GSE1: variants seen among roughly 807,000 people sequenced by gnomAD.
The protein encoded by GSE1 is Gse1 coiled-coil protein, also known as genetic suppressor element 1.
Under a neutral mutation model 112.6 loss-of-function variants are expected in GSE1, and 32 were observed. The observed-to-expected ratio is 0.28, with a 90% CI of 0.21 to 0.38. GSE1 has a LOEUF of 0.38. GSE1 is among the 10% of genes least tolerant of loss of function. The pLI is 1.00. For missense variants in GSE1, 2,348 were observed against 1,699.2 expected, an observed-to-expected ratio of 1.38 and a Z score of -6.71; for synonymous variants, 1,115 against 735.6, an observed-to-expected ratio of 1.52 and a Z score of -8.35.
chr16:85,338,540 G>A (rs531306045), intron 1 of GSE1, among the ~76,000 whole-genome samples: 2 of 152,362 alleles, frequency 1.3e-5, no homozygotes, highest in East Asian at 3.9e-4. Context: ...AGTAAGATTT[G>A]CAAAGTGCTT....
upstream of GSE1, among the ~76,000 whole-genome samples, chr16:85,554,412 G>A (rs2045093488): frequency 6.6e-6 from 1 of 152,118 alleles, no homozygotes; most frequent in Non-Finnish European, 1.5e-5. Flanking sequence ...TTACTATGGT[G>A]CAGCCGGGGC....
At chr16:85,183,257 ACT>A (rs1294960718) in intron 1 of GSE1, among the ~76,000 whole-genome samples, 1 of 151,894 alleles carries the variant, frequency 6.6e-6, no homozygotes, top group Non-Finnish European at 1.5e-5. Flanking sequence ...ATGCACACAC[ACT>A]CACATTCTTG....
chr16:85,379,523 C>T (rs2047499190), intron 2 of GSE1, among the ~76,000 whole-genome samples: 1 of 152,212 alleles, frequency 6.6e-6, no homozygotes, highest in African/African-American at 2.4e-5. Context: ...TGGTTCCTTC[C>T]TCACCCCGTG....
Position 85,661,344 on chromosome 16 carries a change from G to C in GSE1, c.1839G>C (p.Glu613Asp), listed in dbSNP as rs781651230. Residue 613 changes from glutamate (E) to aspartate (D), a missense_variant, in exon 9 of 16, where the codon GAG (glutamate) becomes GAC (aspartate). Coordinates refer to ENST00000253458, the MANE Select transcript of GSE1 (RefSeq NM_014615.5). ...TGCACAGCCACCCGGCTGCATTTGA[G>C]CCCAGCCGCCAGGCAGCCGTGCCGC... Reference protein sequence around the residue: ...HSLHSHPAAFEPSRQAAVPLV... With the variant: ...HSLHSHPAAFDPSRQAAVPLV... 6.2e-7 allele frequency: 1 copy of C among 1,612,088 alleles called. No homozygotes were observed. Among genetic ancestry groups the C allele is most frequent in the East Asian group, 2.2e-5 (1 of 44,858 alleles).
intron 7 of GSE1, 75 bp from the exon 8 acceptor site, chr16:85,657,202 G>A (rs2052035482): frequency 3.9e-6 from 4 of 1,027,518 alleles, no homozygotes; most frequent in Non-Finnish European, 4.2e-6. Flanking sequence ...CTGGGCAGTT[G>A]GGTGAGAGAG....
chr16:85,414,009 C>T (rs1400317598), intron 2 of GSE1, among the ~76,000 whole-genome samples: 3 of 152,218 alleles, frequency 2.0e-5, no homozygotes, highest in African/African-American at 7.2e-5. Context: ...TTGTAAGTTC[C>T]TGAGGCCTCC....
intron 3 of GSE1, among the ~76,000 whole-genome samples, chr16:85,653,149 A>G (rs541649314): frequency 3.1e-4 from 36 of 114,648 alleles, no homozygotes; most frequent in Admixed American, 7.1e-4. Flanking sequence ...CAGAGTCCAG[A>G]GCACAGCCCC....
intron 1 of GSE1, among the ~76,000 whole-genome samples, chr16:85,324,432 C>A (rs1233670046): frequency 6.6e-6 from 1 of 151,450 alleles, no homozygotes. Flanking sequence ...ATCACTTGAA[C>A]CTGGGAGGCA....
intron 2 of GSE1, among the ~76,000 whole-genome samples, chr16:85,536,630 G>A (rs916777035): frequency 1.3e-5 from 2 of 152,232 alleles, no homozygotes; most frequent in Non-Finnish European, 2.9e-5. Flanking sequence ...GAGGTACCGC[G>A]AGGCCACGGG....
chr16:85,647,110 C>CTCCTCCCCG (rs1478294939), intron 2 of GSE1, among the ~76,000 whole-genome samples: 1 of 152,192 alleles, frequency 6.6e-6, no homozygotes, highest in Non-Finnish European at 1.5e-5. Flanking sequence ...CCTGGGAACA[C>CTCCTCCCCG]TCCTCCCCGT....
chr16:85,511,031 C>G (rs527247366), intron 2 of GSE1, among the ~76,000 whole-genome samples: 9 of 152,352 alleles, frequency 5.9e-5, no homozygotes, highest in African/African-American at 2.2e-4. Flanking sequence ...CCGTAAAGCT[C>G]CATGAAGACA....
At position 85,642,756 on chromosome 16, in the gene GSE1, T is replaced by G. The variant is rs185679247; in HGVS notation, c.227-5796T>G. On this transcript the variant is annotated intron_variant, in intron 2 of 15. Transcript: ENST00000253458. ...GTTGCAGCGGGGCCGGGCCCTGGGG[T>G]GGGTCGGGGCCGTGCAGAACAGCGG... 7.1e-3 allele frequency among the ~76,000 whole-genome samples: 1,074 copies of G among 152,252 alleles called. 10 individuals are homozygous for G. Among genetic ancestry groups the G allele is most frequent in the African/African-American group, 0.024 (1,016 of 41,552 alleles).
At chr16:85,260,904 G>A (rs1404096335) in intron 1 of GSE1, among the ~76,000 whole-genome samples, 1 of 152,254 alleles carries the variant, frequency 6.6e-6, no homozygotes, top group East Asian at 1.9e-4. Flanking sequence ...CCAGATGGGG[G>A]CTAAGGACAT....
chr16:85,412,499 GCC>G (rs1238237816), intron 2 of GSE1, among the ~76,000 whole-genome samples: 7 of 46,372 alleles, frequency 1.5e-4, no homozygotes, highest in Middle Eastern at 0.015. Context: ...TACACTCAGG[GCC>G]CCCCTGGATA....
At chr16:85,325,274 C>T (rs898654679) in intron 1 of GSE1, among the ~76,000 whole-genome samples, 1 of 152,054 alleles carries the variant, frequency 6.6e-6, no homozygotes, top group African/African-American at 2.4e-5. Context: ...CAGTCTAGAT[C>T]TCAATGTCTT....
chr16:85,589,303 CCT>C (rs1264632301), intron 1 of GSE1, among the ~76,000 whole-genome samples: 1 of 152,142 alleles, frequency 6.6e-6, no homozygotes, highest in Non-Finnish European at 1.5e-5. Context: ...CGGGCAGGGC[CCT>C]GTTTCTCAGC....
chr16:85,348,861 G>C (rs573881759), intron 1 of GSE1, among the ~76,000 whole-genome samples: 66 of 152,196 alleles, frequency 4.3e-4, no homozygotes, highest in African/African-American at 1.6e-3. Flanking sequence ...TTGAGCTTCT[G>C]TTGTCCTCCC....
At chr16:85,564,900 G>C (rs542465795) in intron 1 of GSE1, among the ~76,000 whole-genome samples, 1 of 152,298 alleles carries the variant, frequency 6.6e-6, no homozygotes, top group Admixed American at 6.5e-5. Context: ...TGTGGCGGAC[G>C]GGCCCCTTCA....
At chr16:85,408,351 TCAGGCCCCCCG>T (rs2048373830) in intron 2 of GSE1, among the ~76,000 whole-genome samples, 1 of 9,142 alleles carries the variant, frequency 1.1e-4, no homozygotes, top group Non-Finnish European at 1.7e-4. Flanking sequence ...ACTGTTACTC[TCAGGCCCCCCG>T]GATAATCCTC....
Sources: allele counts gnomAD v4.1 joint callset (sites outside exome capture counted in the v4.1 genomes callset), GRCh38; gene constraint gnomAD v4.1.1; transcripts MANE v1.5; gene names NCBI Gene and HGNC (gene_info 2026-07-23, HGNC 2026-07-21).